The following ZNF302 variants were observed in gnomAD, a reference collection of about 807,000 sequenced individuals.
The protein encoded by ZNF302 is zinc finger protein 302.
ZNF302 carries 12 observed loss-of-function variants against 10.8 expected under a neutral mutation model. The observed-to-expected ratio is 1.11, with a 90% CI of 0.71 to 1.79. The LOEUF (loss-of-function observed/expected upper bound fraction) is 1.79, where lower values mean the gene tolerates loss of function less well. Among genes scored for constraint, ZNF302 ranks in the 40% most tolerant of loss-of-function variants. ZNF302 has a pLI of 0.00. For missense variants in ZNF302, 461 were observed against 471.1 expected (o/e 0.98, Z 0.20); for synonymous variants, 178 against 157.5 (o/e 1.13, Z -0.98).
intron 2 of ZNF302, 101 bp from the exon 3 acceptor site, chr19:34,682,676 A>C: frequency 6.4e-7 from 1 of 1,554,766 alleles, no homozygotes; most frequent in South Asian, 1.2e-5. Flanking sequence ...CAGCTCCTGA[A>C]TCTTGTTCCA....
Position 34,677,724 on chromosome 19 carries a change from G to T in ZNF302, c.-448G>T, listed in dbSNP as rs8106282. The T allele has an allele frequency of 3.9e-5, 6 of 152,288 alleles. No individual in the cohort carries two copies. The highest frequency in any genetic ancestry group is 1.3e-4 in the Admixed American group (2 of 15,282). The allele number at this position is 152,288 out of a possible 1,614,324, so 9.4% of individuals were successfully genotyped here. ...GGCCTGGCGGCGGCTTCCAAGCTAA[G>T]GAACGGTTTGGGGCAGTGTCGTTCC... is the stretch of plus-strand genomic sequence containing the variant. On this transcript the variant is annotated 5_prime_UTR_variant, in exon 1 of 5. It adds an upstream start codon to the 5' untranslated region. Transcript: ENST00000505242.
At chr19:34,676,089 ATCCTGCTGATTTG>A (rs1396989147), upstream of ZNF302, 1 of 152,206 alleles carries the variant, frequency 6.6e-6, no homozygotes. Context: ...CCCCGCCCAC[ATCCTGCTGATTTG>A]TCCATTTTAC....
intron 2 of ZNF302, among the ~76,000 whole-genome samples, chr19:34,679,270 A>G (rs1263451433): frequency 6.6e-6 from 1 of 151,556 alleles, no homozygotes; most frequent in African/African-American, 2.4e-5. Flanking sequence ...CACCACTACC[A>G]CCCCAGTCCG....
intron 2 of ZNF302, chr19:34,681,493 C>A (rs376802181): frequency 1.3e-5 from 2 of 152,266 alleles, no homozygotes; most frequent in East Asian, 1.9e-4. Context: ...GGATCAGTTT[C>A]GTGGAAGACA....
chr19:34,685,498 G>A lies in ZNF302; in HGVS notation c.*261G>A, dbSNP rs1239396007. ...AGCCATATAAATGTAGTGAGTGTGG[G>A]AAAGCTTTTAGCAAAGGCTCGAATC... On this transcript the variant is annotated 3_prime_UTR_variant, in exon 5 of 5. Coordinates refer to ENST00000505242, the MANE Select transcript of ZNF302 (RefSeq NM_001289187.2). 2.5e-6 allele frequency: 4 copies of A among 1,581,680 alleles called. No individual in the cohort carries two copies. Among genetic ancestry groups the A allele is most frequent in the African/African-American group, 2.7e-5 (2 of 74,240 alleles).
At chr19:34,678,838 T>C (rs369821127) in intron 2 of ZNF302, 25 bp downstream of exon 2, 1 of 1,613,656 alleles carries the variant, frequency 6.2e-7, no homozygotes, top group African/African-American at 1.3e-5. Context: ...CCCCAAATCT[T>C]CCTGAAACAC....
At chr19:34,679,219 C>T (rs555811042) in intron 2 of ZNF302, among the ~76,000 whole-genome samples, 4 of 152,208 alleles carry the variant, frequency 2.6e-5, no homozygotes, top group African/African-American at 7.2e-5. Context: ...AACGATACAC[C>T]GTATACAGCA....
intron 2 of ZNF302, 120 bp downstream of exon 2, chr19:34,678,933 C>A: frequency 2.5e-6 from 3 of 1,193,590 alleles, no homozygotes; most frequent in Non-Finnish European, 3.7e-6. Context: ...ATCTATGGTT[C>A]CTTTCACTAT....
intron 2 of ZNF302, among the ~76,000 whole-genome samples, chr19:34,680,667 A>G (rs2068296445): frequency 6.6e-6 from 1 of 152,216 alleles, no homozygotes; most frequent in South Asian, 2.1e-4. Context: ...CTGAAGGGGA[A>G]GAAAGAAGCA....
chr19:34,685,210 T>A lies in ZNF302; in HGVS notation c.1173T>A (p.His391Gln). 4 of 1,611,748 alleles carry A rather than the reference T, an allele frequency of 2.5e-6. No homozygotes were observed. The South Asian group carries it at 4.4e-5, about 18-fold the overall frequency. The change falls in exon 5 of 5, where the codon CAT becomes CAA. Residue 391 changes from histidine (H) to glutamine (Q), a missense_variant. His to Gln is a conservative substitution (Grantham distance 24). Coordinates refer to ENST00000505242, the MANE Select transcript of ZNF302 (RefSeq NM_001289187.2). ...TTCTTGTTCAACATCAGAGTATTCA[T>A]ACTGAAGAAAAACCGTTTGAAGTTT... is the stretch of plus-strand genomic sequence containing the variant. ...FSFLVQHQSI[H>Q]TEEKPFEV
Position 34,680,823 on chromosome 19 carries a change from TCTTA to T in ZNF302, c.10-1950_10-1947del, listed in dbSNP as rs1428029646. 4.6e-5 allele frequency among the ~76,000 whole-genome samples: 7 copies of T among 152,378 alleles called. No homozygotes were observed. In the East Asian group the frequency reaches 1.3e-3, roughly 29 times the overall value. On this transcript the variant is annotated intron_variant, in intron 2 of 4. Coordinates refer to ENST00000505242, the MANE Select transcript of ZNF302 (RefSeq NM_001289187.2). ...TTGTGTAGCAAATTGAACTGTCAAA[TCTTA>T]CTTGAGGATAAGTTATTGTTTATTT...
chr19:34,678,940 C>T, intron 2 of ZNF302, 127 bp downstream of exon 2: 1 of 1,132,678 alleles, frequency 8.8e-7, no homozygotes, highest in Non-Finnish European at 1.3e-6. Context: ...GTTCCTTTCA[C>T]TATAGGAAGA....
chr19:34,684,742 G>C lies in ZNF302; in HGVS notation c.705G>C (p.Gly235=). The change falls in exon 5 of 5, where the codon GGG becomes GGC. Residue 235 remains glycine, a synonymous_variant. Transcript: ENST00000505242. ...GEKPYECREC[G]KTFSHGSSLT... ...AGCCCTATGAATGTCGTGAATGTGGGAAGACTTTTAGCCATGGTTCATCCC... is the reference window on the plus strand; with the variant it reads ...AGCCCTATGAATGTCGTGAATGTGGCAAGACTTTTAGCCATGGTTCATCCC... 4 of 1,614,046 alleles carry C rather than the reference G, an allele frequency of 2.5e-6. No homozygotes were observed. The highest frequency in any genetic ancestry group is 3.4e-6 in the Non-Finnish European group (4 of 1,179,954).
rs2068607281 is a variant in ZNF302, at chr19:34,685,347, G to C, written c.*110G>C. 1.9e-6 allele frequency: 3 copies of C among 1,613,628 alleles called. No individual in the cohort carries two copies. Among genetic ancestry groups the C allele is most frequent in the African/African-American group, 1.3e-5 (1 of 74,890 alleles). On this transcript the variant is annotated 3_prime_UTR_variant, in exon 5 of 5. Transcript: ENST00000505242. ...ATATGTGGGAAAGCCTTTAGTCATA[G>C]GTCGTCCCTGCTTCAACATCACAGT...
At chr19:34,682,667 A>C in intron 2 of ZNF302, 110 bp from the exon 3 acceptor site, 4 of 1,515,718 alleles carry the variant, frequency 2.6e-6, no homozygotes, top group Non-Finnish European at 3.6e-6. Flanking sequence ...TCATTGTCAC[A>C]GCTCCTGAAT....
Position 34,683,031 on chromosome 19 carries a change from C to A in ZNF302, c.131-124C>A, listed in dbSNP as rs189893414. The A allele has an allele frequency of 2.5e-4, 399 of 1,567,298 alleles. No homozygotes were observed. In the African/African-American group the frequency reaches 4.5e-3, roughly 18 times the overall value. On this transcript the variant is annotated intron_variant, in intron 3 of 4. Coordinates refer to ENST00000505242, the MANE Select transcript of ZNF302 (RefSeq NM_001289187.2). ...AGGAAATGTGCAGCTCTGTTGTGCC[C>A]TGCCTAAAGCTTATCTTTCCATTTC... is the stretch of plus-strand genomic sequence containing the variant.
chr19:34,683,855 A>T, intron 4 of ZNF302: 1 of 723,468 alleles, frequency 1.4e-6, no homozygotes, highest in Non-Finnish European at 2.0e-6. Flanking sequence ...AAGGTTGGAA[A>T]AAAAGGCTAT....
Position 34,684,517 on chromosome 19 carries a change from A to G in ZNF302, c.480A>G (p.Ser160=). ...DILKKNLSKK[S]VIKSERINGG... Reference sequence around the variant, plus strand: ...TAAAGAAGAATTTATCAAAAAAGTCAGTTATAAAAAGTGAGAGAATAAATG... The same window carrying G: ...TAAAGAAGAATTTATCAAAAAAGTCGGTTATAAAAAGTGAGAGAATAAATG... The change falls in exon 5 of 5, where the codon TCA becomes TCG. Residue 160 remains serine, a synonymous_variant. Coordinates refer to ENST00000505242, the MANE Select transcript of ZNF302 (RefSeq NM_001289187.2). 1 of 1,612,492 alleles carries G rather than the reference A, an allele frequency of 6.2e-7. No homozygotes were observed. The highest frequency in any genetic ancestry group is 8.5e-7 in the Non-Finnish European group (1 of 1,179,288).
At chr19:34,679,574 C>T (rs1458775420) in intron 2 of ZNF302, among the ~76,000 whole-genome samples, 3 of 152,184 alleles carry the variant, frequency 2.0e-5, no homozygotes, top group African/African-American at 7.2e-5. Context: ...ATTCTTCCCC[C>T]ACATACGCAC....
Sources: gnomAD v4.1 joint callset for allele counts (sites outside exome capture counted in the v4.1 genomes callset) on GRCh38, gnomAD v4.1.1 for gene constraint, MANE v1.5 for transcripts, NCBI Gene and HGNC (gene_info 2026-07-23, HGNC 2026-07-21) for gene names.